PTCD2: variants seen among roughly 807,000 people sequenced by gnomAD.
PTCD2 encodes the protein pentatricopeptide repeat-containing protein 2, mitochondrial.
A neutral mutation model predicts 42.6 loss-of-function variants in PTCD2; 31 were observed. The ratio of observed to expected loss-of-function variants is 0.73; its 90% CI spans 0.55 to 0.98. The LOEUF is 0.98. PTCD2 is among the 50% of genes least tolerant of loss of function. The pLI is 0.00. For missense variants in PTCD2, 476 were observed against 454.8 expected, an observed-to-expected ratio of 1.05 and a Z score of -0.42; for synonymous variants, 183 against 170.9, an observed-to-expected ratio of 1.07 and a Z score of -0.55.
intron 3 of PTCD2, among the ~76,000 whole-genome samples, chr5:72,328,567 C>T (rs1346732597): frequency 6.6e-6 from 1 of 151,856 alleles, no homozygotes; most frequent in Non-Finnish European, 1.5e-5. Flanking sequence ...TGATGGCAGC[C>T]ATCTTTGGGG....
rs1441802666 is a variant in PTCD2 at position 72,359,778 on chromosome 5, G to A, written c.*1351G>A. ...GGTATAATTGATTTGTGGTAGAGCT[G>A]AGATTAGAATCCAGATTCCTAGTCT... On this transcript the variant is annotated 3_prime_UTR_variant, in exon 10 of 10. Coordinates refer to ENST00000380639, the MANE Select transcript of PTCD2 (RefSeq NM_024754.5). 1 of 152,086 alleles carries A rather than the reference G, an allele frequency of 6.6e-6. No homozygotes were observed. Among genetic ancestry groups the A allele is most frequent in the African/African-American group, 2.4e-5 (1 of 41,418 alleles). 9.4% of individuals were successfully genotyped at this position (152,086 alleles called of 1,614,324 possible).
intron 9 of PTCD2, among the ~76,000 whole-genome samples, chr5:72,357,038 C>T (rs959945773): frequency 2.6e-5 from 4 of 152,166 alleles, no homozygotes; most frequent in African/African-American, 7.2e-5. Flanking sequence ...TTCTAGTTCA[C>T]CCATTTTGGG....
chr5:72,365,728 C>T lies in PTCD2; in HGVS notation c.*7301C>T, dbSNP rs922068093. ...CAAGATGGCTGCATGCATCATGAGG[C>T]TTTGGCCTAAAAAGCTTGTCATTAT... On this transcript the variant is annotated 3_prime_UTR_variant, in exon 10 of 10. Coordinates refer to ENST00000380639, the MANE Select transcript of PTCD2 (RefSeq NM_024754.5). The T allele has an allele frequency of 2.0e-5, 3 of 152,110 alleles. No homozygotes were observed. The highest frequency in any genetic ancestry group is 2.9e-5 in the Non-Finnish European group (2 of 68,022). The allele number at this position is 152,110 out of a possible 1,614,324, so 9.4% of individuals were successfully genotyped here.
At position 72,367,056 on chromosome 5, in the gene PTCD2, C is replaced by T. The variant is rs1753222041; in HGVS notation, c.*8629C>T. 1 of 152,206 alleles carries T rather than the reference C, an allele frequency of 6.6e-6. No homozygotes were observed. The highest frequency in any genetic ancestry group is 2.1e-4 in the South Asian group (1 of 4,834). 9.4% of individuals were successfully genotyped at this position (152,206 alleles called of 1,614,324 possible). On this transcript the variant is annotated 3_prime_UTR_variant, in exon 10 of 10. Transcript: ENST00000380639. ...CTTGGTTATTTTGATTGTCTCTCTACCCTTCCAGATTCATCAAATGATAGT... is the reference window on the plus strand; with the variant it reads ...CTTGGTTATTTTGATTGTCTCTCTATCCTTCCAGATTCATCAAATGATAGT...
In PTCD2 at chr5:72,362,124, G is replaced by A. The variant is rs1420645401; in HGVS notation, c.*3697G>A. The A allele has an allele frequency of 2.6e-5, 4 of 152,148 alleles. No homozygotes were observed. Among genetic ancestry groups the A allele is most frequent in the African/African-American group, 9.7e-5 (4 of 41,416 alleles). 9.4% of individuals were successfully genotyped at this position (152,148 alleles called of 1,614,324 possible). On this transcript the variant is annotated 3_prime_UTR_variant, in exon 10 of 10. Transcript: ENST00000380639. ...GTTGGTGGTCATATTGGTCCCCCAT[G>A]GACAGCTTTTCGTCTCTAATACCAT...
At chr5:72,355,247 G>C (rs929931805) in intron 9 of PTCD2, among the ~76,000 whole-genome samples, 12 of 152,052 alleles carry the variant, frequency 7.9e-5, no homozygotes, top group Admixed American at 5.9e-4. Context: ...AAATGCCAAA[G>C]AAGTATATTT....
intron 7 of PTCD2, among the ~76,000 whole-genome samples, chr5:72,340,123 A>C (rs959374779): frequency 6.7e-6 from 1 of 150,000 alleles, no homozygotes; most frequent in South Asian, 2.1e-4. Context: ...AACTTTTTCT[A>C]CTCTCTTATG....
intron 7 of PTCD2, among the ~76,000 whole-genome samples, chr5:72,340,211 T>C (rs983719505): frequency 6.6e-6 from 1 of 152,246 alleles, no homozygotes; most frequent in Non-Finnish European, 1.5e-5. Context: ...TTCTTAATTA[T>C]TTAATTCTTT....
chr5:72,349,553 A>G (rs1752517437), intron 8 of PTCD2, among the ~76,000 whole-genome samples: 1 of 152,188 alleles, frequency 6.6e-6, no homozygotes, highest in Non-Finnish European at 1.5e-5. Context: ...AAATTTCTGC[A>G]TCCTCAGGGC....
chr5:72,326,819 C>T (rs952332146), intron 3 of PTCD2, 78 bp downstream of exon 3: 22 of 1,485,300 alleles, frequency 1.5e-5, no homozygotes, highest in African/African-American at 4.2e-5. Flanking sequence ...TGATCCACTT[C>T]GAAGTTGTTG....
rs557883991 is a variant in PTCD2, at chr5:72,330,571, A to G, written c.351-687A>G. ...TGTCCTCTTGGTGTCTAAAGCAAAA[A>G]GAATTGGTTATTGAAAGTAAATTTA... On this transcript the variant is annotated intron_variant, in intron 3 of 9. Transcript: ENST00000380639. Among the ~76,000 whole-genome samples the G allele has an allele frequency of 2.0e-5, 3 of 152,324 alleles. No individual in the cohort carries two copies. In the South Asian group the frequency reaches 6.2e-4, roughly 32 times the overall value.
At chr5:72,331,701 A>G (rs1751447928) in intron 4 of PTCD2, among the ~76,000 whole-genome samples, 1 of 152,150 alleles carries the variant, frequency 6.6e-6, no homozygotes, top group African/African-American at 2.4e-5. Flanking sequence ...TGACATTCCT[A>G]TCCTTTACCT....
chr5:72,340,808 A>C (rs1409605730), intron 7 of PTCD2, among the ~76,000 whole-genome samples: 1 of 151,780 alleles, frequency 6.6e-6, no homozygotes, highest in Non-Finnish European at 1.5e-5. Flanking sequence ...GGAATATTGG[A>C]GAAATCTAGT....
rs767294760 is a variant in PTCD2, at chr5:72,358,210, A to C, written c.950A>C (p.Lys317Thr). 4.3e-6 allele frequency: 7 copies of C among 1,613,746 alleles called. No individual in the cohort carries two copies. The highest frequency in any genetic ancestry group is 3.3e-4 in the Middle Eastern group (2 of 6,056). The change falls in exon 10 of 10, where the codon AAA becomes ACA. Residue 317 changes from lysine (K) to threonine (T), a missense_variant. Physicochemically the swap from Lys to Thr is moderately conservative, Grantham distance 78. Coordinates refer to ENST00000380639, the MANE Select transcript of PTCD2 (RefSeq NM_024754.5). ...GTTCTTGCTTTTTTCCAGCTGGCCAAAGTGAGGGAAAAAGTGAAGGATGTG... is the reference window on the plus strand; with the variant it reads ...GTTCTTGCTTTTTTCCAGCTGGCCACAGTGAGGGAAAAAGTGAAGGATGTG... ...RHVFSEEVLA[K>T]VREKVKDVPA... is the part of the protein sequence containing the mutation.
At chr5:72,338,585 T>C (rs1454688221) in intron 6 of PTCD2, 37 bp from the exon 7 acceptor site, 1 of 1,108,008 alleles carries the variant, frequency 9.0e-7, no homozygotes, top group Admixed American at 2.0e-5. Context: ...AACTTAAAGG[T>C]TTATAACATT....
In PTCD2 at chr5:72,367,205, A is replaced by G. The variant is rs768076661; in HGVS notation, c.*8778A>G. On this transcript the variant is annotated 3_prime_UTR_variant, in exon 10 of 10. Transcript: ENST00000380639. Reference sequence around the variant, plus strand: ...ACTGCCCATCTCTAAGAATAGGTCAAAGATGAAATTCCCATTATCATGAAA... The same window carrying G: ...ACTGCCCATCTCTAAGAATAGGTCAGAGATGAAATTCCCATTATCATGAAA... 7 of 152,240 alleles carry G rather than the reference A, an allele frequency of 4.6e-5. No individual in the cohort carries two copies. The highest frequency in any genetic ancestry group is 1.0e-4 in the Non-Finnish European group (7 of 68,048). The allele number at this position is 152,240 out of a possible 1,614,324, so 9.4% of individuals were successfully genotyped here.
At chr5:72,332,141 C>G (rs545020482) in intron 4 of PTCD2, among the ~76,000 whole-genome samples, 1 of 152,288 alleles carries the variant, frequency 6.6e-6, no homozygotes, top group South Asian at 2.1e-4. Context: ...GGGGCCACGG[C>G]TGGCCACCAG....
chr5:72,352,575 G>A, intron 8 of PTCD2, 66 bp from the exon 9 acceptor site: 1 of 750,182 alleles, frequency 1.3e-6, no homozygotes, highest in Non-Finnish European at 2.3e-6. Context: ...TATCTAACCA[G>A]GTACATTTCT....
At chr5:72,340,463 C>T (rs1751996858) in intron 7 of PTCD2, among the ~76,000 whole-genome samples, 2 of 152,280 alleles carry the variant, frequency 1.3e-5, no homozygotes, top group Middle Eastern at 3.4e-3. Context: ...TCTTTCCCTT[C>T]TCTTTCTTTC....
Sources: gnomAD v4.1 joint callset for allele counts (sites outside exome capture counted in the v4.1 genomes callset) on GRCh38, gnomAD v4.1.1 for gene constraint, MANE v1.5 for transcripts, NCBI Gene and HGNC (gene_info 2026-07-23, HGNC 2026-07-21) for gene names.